FARP1: variants seen among roughly 807,000 people sequenced by gnomAD.
FARP1 encodes the protein FERM, ARHGEF and pleckstrin domain-containing protein 1.
In FARP1, 52 loss-of-function variants were observed where a neutral mutation model predicts 128.8. The ratio of observed to expected loss-of-function variants is 0.40; its 90% CI spans 0.32 to 0.51. The LOEUF (loss-of-function observed/expected upper bound fraction) is 0.51, where lower values mean the gene tolerates loss of function less well. FARP1 is among the 20% of genes least tolerant of loss of function. The pLI, the probability that FARP1 is intolerant of heterozygous loss-of-function variation, is 0.45. For missense variants in FARP1, 1,333 were observed against 1,367.9 expected (o/e 0.97, Z 0.40); for synonymous variants, 580 against 551.8 (o/e 1.05, Z -0.72).
chr13:98,237,162 G>T (rs759285879), intron 2 of FARP1, among the ~76,000 whole-genome samples: 2 of 151,864 alleles, frequency 1.3e-5, no homozygotes, highest in Non-Finnish European at 2.9e-5. Flanking sequence ...AAATTTGCCG[G>T]GCATGGTGGT....
chr13:98,206,642 T>C (rs1880286682), intron 1 of FARP1, among the ~76,000 whole-genome samples: 1 of 152,214 alleles, frequency 6.6e-6, no homozygotes, highest in African/African-American at 2.4e-5. Flanking sequence ...TTACTGCTTA[T>C]TGCTTTTGGA....
At position 98,453,233 on chromosome 13, in the gene FARP1, A is replaced by G. The variant is rs1280500589; in HGVS notation, c.*4916A>G. 1.2e-6 allele frequency: 2 copies of G among 1,609,100 alleles called. No homozygotes were observed. Among genetic ancestry groups the G allele is most frequent in the Non-Finnish European group, 1.7e-6 (2 of 1,177,340 alleles). ...ATCTAGGGAAAAAGAGAGAGAGAGAAGTCAACACATGTCATTTCTCATCCC... is the reference window on the plus strand; with the variant it reads ...ATCTAGGGAAAAAGAGAGAGAGAGAGGTCAACACATGTCATTTCTCATCCC... On this transcript the variant is annotated 3_prime_UTR_variant, in exon 27 of 27. Coordinates refer to ENST00000319562, the MANE Select transcript of FARP1 (RefSeq NM_005766.4).
Position 98,351,693 on chromosome 13 carries a change from C to T in FARP1, c.276+7827C>T, listed in dbSNP as rs146518988. Among the ~76,000 whole-genome samples the T allele has an allele frequency of 4.6e-5, 7 of 151,654 alleles. No homozygotes were observed. In the East Asian group the frequency reaches 1.4e-3, roughly 29 times the overall value. ...GTAGGCTCTATAAGCATGGTGAGGC[C>T]TCAGGAAGTTTTTACTCATGGCAGA... On this transcript the variant is annotated intron_variant, in intron 3 of 26. Transcript: ENST00000319562.
At chr13:98,205,044 T>C (rs1880186849) in intron 1 of FARP1, among the ~76,000 whole-genome samples, 1 of 152,230 alleles carries the variant, frequency 6.6e-6, no homozygotes, top group Non-Finnish European at 1.5e-5. Context: ...AGGATGTTTT[T>C]GGCATTTAAG....
rs1891816982 is a variant in FARP1 at position 98,427,083 on chromosome 13, G to A, written c.1905+2433G>A. Among the ~76,000 whole-genome samples the A allele has an allele frequency of 2.0e-5, 3 of 152,010 alleles. No homozygotes were observed. In the South Asian group the frequency reaches 6.3e-4, roughly 32 times the overall value. Reference sequence around the variant, plus strand: ...ACCATTAGGGCCCCCTCTTGGTGGTGTACATTCTCTGGGTGTTGACAAATA... The same window carrying A: ...ACCATTAGGGCCCCCTCTTGGTGGTATACATTCTCTGGGTGTTGACAAATA... On this transcript the variant is annotated intron_variant, in intron 17 of 26. Transcript: ENST00000319562.
intron 2 of FARP1, among the ~76,000 whole-genome samples, chr13:98,275,336 GGAGAGAGAGAGA>G (rs58331449): frequency 1.8e-3 from 256 of 143,650 alleles, no homozygotes; most frequent in African/African-American, 6.2e-3. Flanking sequence ...ATGTGGGTAA[GGAGAGAGAGAGA>G]GAGAGAGAGA....
intron 2 of FARP1, among the ~76,000 whole-genome samples, chr13:98,324,363 A>C (rs1334237171): frequency 6.6e-6 from 1 of 152,146 alleles, no homozygotes; most frequent in Non-Finnish European, 1.5e-5. Flanking sequence ...TGCTGCGCCC[A>C]CTGCTTTTTG....
chr13:98,454,908 A>G lies in FARP1; in HGVS notation c.*6591A>G, dbSNP rs1893379430. Reference sequence around the variant, plus strand: ...CACAGACAAAGGAAAGAGAGCACCAACTTGGCTTCCCCCATGCATCACTGC... The same window carrying G: ...CACAGACAAAGGAAAGAGAGCACCAGCTTGGCTTCCCCCATGCATCACTGC... On this transcript the variant is annotated 3_prime_UTR_variant, in exon 27 of 27. Transcript: ENST00000319562. The G allele has an allele frequency of 6.6e-6, 1 of 152,428 alleles. No homozygotes were observed. Among genetic ancestry groups the G allele is most frequent in the Admixed American group, 6.5e-5 (1 of 15,302 alleles). 9.4% of individuals were successfully genotyped at this position (152,428 alleles called of 1,614,324 possible).
At chr13:98,366,085 T>G (rs1193226330) in intron 4 of FARP1, among the ~76,000 whole-genome samples, 2 of 152,130 alleles carry the variant, frequency 1.3e-5, no homozygotes, top group African/African-American at 4.8e-5. Context: ...GAGCTAAAAT[T>G]CAGCATCAAG....
At chr13:98,350,358 A>T (rs1474072142) in intron 3 of FARP1, among the ~76,000 whole-genome samples, 4 of 152,182 alleles carry the variant, frequency 2.6e-5, no homozygotes. Context: ...TTGACAACAA[A>T]ATTGAGCCAG....
At chr13:98,348,795 T>C (rs1027916389) in intron 3 of FARP1, among the ~76,000 whole-genome samples, 2 of 152,260 alleles carry the variant, frequency 1.3e-5, no homozygotes, top group Non-Finnish European at 2.9e-5. Context: ...GCTTCGGACC[T>C]GTGCCAGAAC....
intron 2 of FARP1, among the ~76,000 whole-genome samples, chr13:98,242,220 G>A (rs888114397): frequency 3.3e-5 from 5 of 152,080 alleles, no homozygotes; most frequent in Admixed American, 1.3e-4. Context: ...ATGAATGTTC[G>A]TAGCGTACTC....
chr13:98,175,347 A>C (rs1009704630), intron 1 of FARP1, among the ~76,000 whole-genome samples: 1 of 152,176 alleles, frequency 6.6e-6, no homozygotes, highest in African/African-American at 2.4e-5. Flanking sequence ...TCAGCCAAAC[A>C]AAATCAAATC....
At position 98,439,165 on chromosome 13, in the gene FARP1, T is replaced by G. The variant is rs1174266777; in HGVS notation, c.2402T>G (p.Val801Gly). 7 of 1,613,728 alleles carry G rather than the reference T, an allele frequency of 4.3e-6. No homozygotes were observed. Among genetic ancestry groups the G allele is most frequent in the Non-Finnish European group, 5.9e-6 (7 of 1,179,882 alleles). ...CTGACGGCCTCCAATCAGTTTAAAG[T>G]CCACGGGCAGCTCCCGCTCTATGGC... The part of the protein sequence containing the change: ...RGLTASNQFK[V>G]HGQLPLYGMT... Residue 801 changes from valine to glycine, a missense_variant, in exon 21 of 27, where the codon GTC becomes GGC. Val to Gly is a moderately radical substitution (Grantham distance 109). This residue lies in a region of FARP1 where 1,009 missense variants were observed against 969.8 expected (regional missense o/e 1.04). Coordinates refer to ENST00000319562, the MANE Select transcript of FARP1 (RefSeq NM_005766.4).
chr13:98,208,923 G>A (rs1880476539), intron 1 of FARP1, among the ~76,000 whole-genome samples: 1 of 152,188 alleles, frequency 6.6e-6, no homozygotes, highest in Non-Finnish European at 1.5e-5. Flanking sequence ...CTGAGAATGA[G>A]TTAGGGAAGA....
chr13:98,159,263 G>A (rs1428897547), intron 1 of FARP1, among the ~76,000 whole-genome samples: 4 of 152,120 alleles, frequency 2.6e-5, no homozygotes, highest in African/African-American at 4.8e-5. Flanking sequence ...GAAGGTATTC[G>A]TTTGACAGGA....
chr13:98,330,232 G>C (rs1482296354), intron 2 of FARP1, among the ~76,000 whole-genome samples: 1 of 152,176 alleles, frequency 6.6e-6, no homozygotes, highest in African/African-American at 2.4e-5. Context: ...GTAGGTGACA[G>C]GGGTGGGGCA....
At chr13:98,269,040 C>T (rs923378882) in intron 2 of FARP1, among the ~76,000 whole-genome samples, 3 of 152,074 alleles carry the variant, frequency 2.0e-5, no homozygotes, top group Non-Finnish European at 4.4e-5. Flanking sequence ...CCTCTCCCTT[C>T]TGGTAGCTGA....
At chr13:98,363,326 A>C (rs1463301415) in intron 3 of FARP1, among the ~76,000 whole-genome samples, 1 of 152,184 alleles carries the variant, frequency 6.6e-6, no homozygotes, top group Non-Finnish European at 1.5e-5. Flanking sequence ...TTTTCAGGGA[A>C]GATTGCTCCC....
Sources: allele counts gnomAD v4.1 joint callset (sites outside exome capture counted in the v4.1 genomes callset), GRCh38; gene constraint gnomAD v4.1.1; regional missense constraint gnomAD v4.1.1; transcripts MANE v1.5; gene names NCBI Gene and HGNC (gene_info 2026-07-23, HGNC 2026-07-21).